The following COLEC10 variants were observed in gnomAD, a reference collection of about 807,000 sequenced individuals.
COLEC10 encodes collectin-10.
COLEC10 carries 22 observed loss-of-function variants against 28.4 expected under a neutral mutation model. The ratio of observed to expected loss-of-function variants is 0.78; its 90% CI spans 0.55 to 1.11. The LOEUF (loss-of-function observed/expected upper bound fraction) is 1.11. Among genes scored for constraint, COLEC10 ranks in the 50% least tolerant of loss-of-function variants. COLEC10 has a pLI of 0.00. For synonymous variants in COLEC10, 125 were observed against 116.1 expected, an observed-to-expected ratio of 1.08 and a Z score of -0.49; for missense variants, 361 against 344.1, an observed-to-expected ratio of 1.05 and a Z score of -0.39.
rs61123918 is a variant in COLEC10 at position 119,107,850 on chromosome 8, A to C, written c.*1659A>C. The stretch of plus-strand genomic sequence containing the variant: ...AGCTGGGACTTTGTAACATAAGCTC[A>C]TATTTTAATATGTTGGCAACTAATT... On this transcript the variant is annotated 3_prime_UTR_variant, in exon 6 of 6. Coordinates refer to ENST00000332843, the MANE Select transcript of COLEC10 (RefSeq NM_006438.5). Among the ~76,000 whole-genome samples the C allele has an allele frequency of 0.032, 4,856 of 152,302 alleles. 117 individuals carry two copies. Among genetic ancestry groups the C allele is most frequent in the South Asian group, 0.11 (520 of 4,828 alleles).
At chr8:119,049,507 A>C (rs1002318217) in intron 2 of COLEC10, among the ~76,000 whole-genome samples, 2 of 132,698 alleles carry the variant, frequency 1.5e-5, no homozygotes, top group Admixed American at 1.9e-4. Context: ...CTTCGCCTCC[A>C]GGGTTCACGC....
At chr8:119,029,720 T>G in intron 2 of COLEC10, among the ~76,000 whole-genome samples, 1 of 89,032 alleles carries the variant, frequency 1.1e-5, no homozygotes, top group Non-Finnish European at 2.1e-5. Flanking sequence ...GAACTTTTAA[T>G]CTCATTGAAA....
At chr8:118,970,776 G>A in the COLEC10 span, among the ~76,000 whole-genome samples, 1 of 151,846 alleles carries the variant, frequency 6.6e-6, no homozygotes, top group South Asian at 2.1e-4. Context: ...TAATGAGTAA[G>A]TACTATAATT....
At chr8:119,084,994 A>G (rs1815443724) in intron 1 of COLEC10, among the ~76,000 whole-genome samples, 1 of 152,244 alleles carries the variant, frequency 6.6e-6, no homozygotes, top group South Asian at 2.1e-4. Context: ...AGTTTACCAA[A>G]TGAGACAGGC....
At chr8:118,960,785 G>GAAAAAA in the COLEC10 span, among the ~76,000 whole-genome samples, 110 of 72,546 alleles carry the variant, frequency 1.5e-3, 2 homozygotes, top group African/African-American at 5.2e-3. Context: ...GAGACTCTGT[G>GAAAAAA]AAAAAAAAAA....
At chr8:119,066,298 T>C (rs745827500), upstream of COLEC10, among the ~76,000 whole-genome samples, 4 of 152,196 alleles carry the variant, frequency 2.6e-5, no homozygotes, top group African/African-American at 9.7e-5. Flanking sequence ...AATATCTTAC[T>C]ATGCCCATAC....
At chr8:119,034,164 T>C (rs994854328) in intron 2 of COLEC10, among the ~76,000 whole-genome samples, 10 of 152,114 alleles carry the variant, frequency 6.6e-5, no homozygotes, top group African/African-American at 1.7e-4. Context: ...ACACCACATG[T>C]TCTCACTCAT....
chr8:119,034,451 G>A (rs145796981), intron 2 of COLEC10, among the ~76,000 whole-genome samples: 6,640 of 151,122 alleles, frequency 0.044, 214 homozygotes, highest in East Asian at 0.16. Context: ...GGTGGCTCAC[G>A]CCTGTAATCA....
At chr8:119,027,649 T>C (rs1814217280) in intron 2 of COLEC10, among the ~76,000 whole-genome samples, 1 of 152,202 alleles carries the variant, frequency 6.6e-6, no homozygotes, top group Non-Finnish European at 1.5e-5. Flanking sequence ...ACTCATCTTC[T>C]CAGGCTTTTG....
chr8:119,066,422 T>C (rs1313103715), upstream of COLEC10, among the ~76,000 whole-genome samples: 2 of 152,206 alleles, frequency 1.3e-5, no homozygotes, highest in Admixed American at 6.5e-5. Flanking sequence ...TTATGAAACA[T>C]AATACCACAA....
chr8:119,043,518 C>A (rs1259776043), intron 2 of COLEC10, among the ~76,000 whole-genome samples: 2 of 152,174 alleles, frequency 1.3e-5, no homozygotes, highest in East Asian at 1.9e-4. Flanking sequence ...CATGAAAAAT[C>A]ATTTCCTGTC....
intron 1 of COLEC10, among the ~76,000 whole-genome samples, chr8:119,009,130 G>T (rs1289265700): frequency 1.3e-5 from 2 of 150,878 alleles, no homozygotes; most frequent in East Asian, 3.9e-4. Flanking sequence ...CCCAACACAG[G>T]TGAGGAAAGG....
At position 119,105,673 on chromosome 8, in the gene COLEC10, T is replaced by C. The variant is rs1815922450; in HGVS notation, c.443-127T>C. ...GGTAATTAAATCTGTGACTACCTCA[T>C]AATAGGGCTTTGAAAAATAATTCTT... On this transcript the variant is annotated intron_variant, in intron 5 of 5. Transcript: ENST00000332843. 7.9e-6 allele frequency: 7 copies of C among 886,494 alleles called. No individual in the cohort carries two copies. In the South Asian group the frequency reaches 1.3e-4, roughly 16 times the overall value. 54.9% of individuals were successfully genotyped at this position (886,494 alleles called of 1,614,324 possible). A position where few individuals can be genotyped will look rare whatever the true frequency, so the allele number is the denominator to read the frequency against.
At chr8:119,094,028 G>A (rs1815662148) in intron 3 of COLEC10, among the ~76,000 whole-genome samples, 2 of 152,130 alleles carry the variant, frequency 1.3e-5, no homozygotes, top group South Asian at 4.1e-4. Context: ...GTAATTTGAT[G>A]TGACTTCCAT....
chr8:119,026,557 G>A (rs991788065), intron 2 of COLEC10, among the ~76,000 whole-genome samples: 4 of 152,108 alleles, frequency 2.6e-5, no homozygotes, highest in African/African-American at 9.7e-5. Flanking sequence ...CATGGTTTTA[G>A]CTCTATACAA....
chr8:119,067,517 C>A, intron 1 of COLEC10, 88 bp downstream of exon 1: 1 of 1,200,548 alleles, frequency 8.3e-7, no homozygotes, highest in Non-Finnish European at 1.2e-6. Flanking sequence ...CAATGACTTT[C>A]TCTTCTCTCC....
intron 1 of COLEC10, among the ~76,000 whole-genome samples, chr8:119,078,039 T>C (rs1166081861): frequency 1.3e-5 from 2 of 152,170 alleles, no homozygotes; most frequent in African/African-American, 4.8e-5. Context: ...AACCAGATCC[T>C]GTGTAAACTG....
chr8:119,034,406 T>TA (rs1179833405), intron 2 of COLEC10, among the ~76,000 whole-genome samples: 2 of 147,710 alleles, frequency 1.4e-5, no homozygotes, highest in East Asian at 4.0e-4. Context: ...TCCCAGAACT[T>TA]ACAGTATTTA....
chr8:118,991,787 AC>A, upstream of COLEC10, among the ~76,000 whole-genome samples: 1 of 152,252 alleles, frequency 6.6e-6, no homozygotes, highest in East Asian at 1.9e-4. Context: ...CACTTAAGAA[AC>A]AACTGTCAAG....
Sources: gnomAD v4.1 joint callset for allele counts (sites outside exome capture counted in the v4.1 genomes callset) on GRCh38, gnomAD v4.1.1 for gene constraint, MANE v1.5 for transcripts, NCBI Gene and HGNC (gene_info 2026-07-23, HGNC 2026-07-21) for gene names.